ST13: variants seen among roughly 807,000 people sequenced by gnomAD.
ST13 encodes hsc70-interacting protein.
ST13 carries 23 observed loss-of-function variants against 56.7 expected under a neutral mutation model. That is an observed-to-expected ratio of 0.41 (90% CI 0.29 to 0.57). The LOEUF (loss-of-function observed/expected upper bound fraction) is 0.57, where lower values mean the gene tolerates loss of function less well. ST13 is among the 20% of genes least tolerant of loss of function. ST13 has a pLI of 0.36. For synonymous variants in ST13, 132 were observed against 142.4 expected (o/e 0.93, Z 0.52); for missense variants, 369 against 459.9 (o/e 0.80, Z 1.81).
chr22:40,854,684 A>G (rs951305515), intron 1 of ST13: 1 of 152,196 alleles, frequency 6.6e-6, no homozygotes, highest in Non-Finnish European at 1.5e-5. Context: ...CACTTAATGT[A>G]AAGTGGAGCC....
intron 7 of ST13, among the ~76,000 whole-genome samples, chr22:40,833,428 G>A (rs1047615029): frequency 6.6e-6 from 1 of 151,882 alleles, no homozygotes; most frequent in Non-Finnish European, 1.5e-5. Flanking sequence ...AACCAGGCGC[G>A]GTGGCAGGCG....
intron 3 of ST13, among the ~76,000 whole-genome samples, chr22:40,847,729 T>TA (rs1426562901): frequency 1.3e-5 from 2 of 151,944 alleles, no homozygotes; most frequent in Non-Finnish European, 2.9e-5. Context: ...TGAATGCTAT[T>TA]AAAAAAAGAA....
In ST13 at chr22:40,825,200, A is replaced by G. The variant is rs2057721956; in HGVS notation, c.*1338T>C. 6.6e-6 allele frequency: 1 copy of G among 152,110 alleles called. No homozygotes were observed. The highest frequency in any genetic ancestry group is 1.5e-5 in the Non-Finnish European group (1 of 68,010). The allele number at this position is 152,110 out of a possible 1,614,324, so 9.4% of individuals were successfully genotyped here. On this transcript the variant is annotated 3_prime_UTR_variant, in exon 12 of 12. Transcript: ENST00000216218. ...AAAGAAAGCAAGCAGAGGTGGGGAT[A>G]TAGTTACACTATTTAAGAGCTGAAT... is the stretch of plus-strand genomic sequence containing the variant.
intron 5 of ST13, among the ~76,000 whole-genome samples, chr22:40,836,344 G>A (rs2057777270): frequency 6.6e-6 from 1 of 152,212 alleles, no homozygotes; most frequent in African/African-American, 2.4e-5. Context: ...CCAGCCACTT[G>A]GGAGGCTGAG....
chr22:40,841,958 TA>T (rs2057806775), intron 4 of ST13, among the ~76,000 whole-genome samples: 1 of 152,182 alleles, frequency 6.6e-6, no homozygotes, highest in Non-Finnish European at 1.5e-5. Context: ...GAAGAGAATG[TA>T]TGTGGTCTAA....
At chr22:40,854,882 C>T (rs1204520429) in intron 1 of ST13, among the ~76,000 whole-genome samples, 2 of 152,158 alleles carry the variant, frequency 1.3e-5, no homozygotes, top group Non-Finnish European at 2.9e-5. Flanking sequence ...ATTCCTAATC[C>T]TGACATTTCC....
At chr22:40,854,226 C>T (rs1389537321) in intron 1 of ST13, among the ~76,000 whole-genome samples, 1 of 152,162 alleles carries the variant, frequency 6.6e-6, no homozygotes, top group East Asian at 1.9e-4. Flanking sequence ...GCCACAATCT[C>T]GAACTGCAGA....
chr22:40,838,919 A>T (rs759652364), intron 5 of ST13, among the ~76,000 whole-genome samples: 4 of 152,146 alleles, frequency 2.6e-5, no homozygotes, highest in Non-Finnish European at 5.9e-5. Flanking sequence ...AATAAAAAAA[A>T]AAAAAAAATT....
chr22:40,828,627 A>T (rs574632686), intron 10 of ST13, among the ~76,000 whole-genome samples: 145 of 152,082 alleles, frequency 9.5e-4, no homozygotes, highest in African/African-American at 2.6e-3. Flanking sequence ...ATAAAAAAAA[A>T]AATAATATAG....
At chr22:40,843,615 A>G (rs771920371) in intron 4 of ST13, among the ~76,000 whole-genome samples, 1 of 152,236 alleles carries the variant, frequency 6.6e-6, no homozygotes, top group Non-Finnish European at 1.5e-5. Flanking sequence ...ATAACCTCAA[A>G]GTAATAAAGC....
At chr22:40,847,659 C>G (rs1429969467) in intron 3 of ST13, among the ~76,000 whole-genome samples, 4 of 151,622 alleles carry the variant, frequency 2.6e-5, no homozygotes, top group Non-Finnish European at 4.4e-5. Flanking sequence ...GATTTATTAT[C>G]AATGAAAATG....
At chr22:40,833,087 A>G (rs2057761396) in intron 7 of ST13, among the ~76,000 whole-genome samples, 1 of 152,236 alleles carries the variant, frequency 6.6e-6, no homozygotes. Flanking sequence ...CAAGTAAACC[A>G]GAAACTAAAG....
At chr22:40,850,709 C>A in intron 2 of ST13, 114 bp downstream of exon 2, 2 of 761,694 alleles carry the variant, frequency 2.6e-6, no homozygotes, top group Admixed American at 3.0e-5. Context: ...GTCTTATTTC[C>A]AAGTGATCTT....
intron 3 of ST13, among the ~76,000 whole-genome samples, chr22:40,847,649 GATTT>G (rs1259834598): frequency 2.0e-5 from 3 of 151,930 alleles, no homozygotes; most frequent in East Asian, 1.9e-4. Context: ...TATGAAGTCT[GATTT>G]ATTATCAATG....
rs763505194 is a variant in ST13 at position 40,836,992 on chromosome 22, A to T, written c.383-1105T>A. Among the ~76,000 whole-genome samples the T allele has an allele frequency of 6.8e-4, 103 of 152,260 alleles. No individual in the cohort carries two copies. The Middle Eastern group carries it at 0.014, about 20-fold the overall frequency. Reference sequence around the variant, plus strand: ...CACTAAACCTGGCTAATTAAAAAAAATTTTTTAGAGACTGGGCCTCACTGT... The same window carrying T: ...CACTAAACCTGGCTAATTAAAAAAATTTTTTTAGAGACTGGGCCTCACTGT... On this transcript the variant is annotated intron_variant, in intron 5 of 11. Transcript: ENST00000216218.
chr22:40,827,202 T>C lies in ST13; in HGVS notation c.875A>G (p.Asn292Ser), dbSNP rs144283288. The change falls in exon 11 of 12, where the codon AAT (asparagine) becomes AGT (serine). Residue 292 changes from asparagine to serine, a missense_variant. Physicochemically the swap from Asn to Ser is conservative, Grantham distance 46 (BLOSUM62 1). Transcript: ENST00000216218. ...PGGFPGGMPG[N>S]FPGGMPGMGG... ...CATTCCAGGCATTCCTCCGGGAAAA[T>C]TACCAGGCATTCCCCCAGGAAAGCC... The C allele has an allele frequency of 1.7e-3, 2,708 of 1,613,462 alleles. 45 individuals are homozygous for C. The African/African-American group carries it at 0.031, about 18-fold the overall frequency.
intron 1 of ST13, among the ~76,000 whole-genome samples, chr22:40,852,096 G>A (rs1466782866): frequency 6.6e-6 from 1 of 152,160 alleles, no homozygotes; most frequent in Non-Finnish European, 1.5e-5. Flanking sequence ...TTTCAGTTGG[G>A]TGGAATTTGT....
chr22:40,841,097 T>C (rs976379114), intron 4 of ST13, among the ~76,000 whole-genome samples: 6 of 150,184 alleles, frequency 4.0e-5, no homozygotes, highest in African/African-American at 7.4e-5. Context: ...CTATGCTATA[T>C]AGATAGACCA....
intron 8 of ST13, among the ~76,000 whole-genome samples, chr22:40,831,280 A>C (rs945496678): frequency 1.3e-5 from 2 of 152,250 alleles, no homozygotes; most frequent in African/African-American, 2.4e-5. Context: ...CACAGTGTTT[A>C]GGTTTCAGAC....
Sources: gnomAD v4.1 joint callset for allele counts (sites outside exome capture counted in the v4.1 genomes callset) on GRCh38, gnomAD v4.1.1 for gene constraint, MANE v1.5 for transcripts, NCBI Gene and HGNC (gene_info 2026-07-23, HGNC 2026-07-21) for gene names.